The following MPRIP variants were observed in gnomAD, a reference collection of about 807,000 sequenced individuals.
MPRIP encodes the protein myosin phosphatase Rho-interacting protein.
In MPRIP, 59 loss-of-function variants were observed where a neutral mutation model predicts 234.9. The observed-to-expected ratio is 0.25, with a 90% CI of 0.20 to 0.31. The LOEUF (loss-of-function observed/expected upper bound fraction) is 0.31. Ranked by LOEUF, MPRIP falls within the 10% of genes least tolerant of loss-of-function variation. The pLI is 1.00. For synonymous variants in MPRIP, 1,144 were observed against 1,263.9 expected (o/e 0.91, Z 2.01); for missense variants, 2,436 against 3,071.0 (o/e 0.79, Z 4.89).
chr17:17,127,017 C>T (rs74521076), intron 4 of MPRIP, among the ~76,000 whole-genome samples, 164 bp downstream of exon 4: 13,255 of 152,284 alleles, frequency 0.087, 729 homozygotes, highest in Middle Eastern at 0.16. Flanking sequence ...CTGAGCACAG[C>T]AGAAATCAGG....
chr17:17,079,483 C>T (rs1351601251), intron 3 of MPRIP, among the ~76,000 whole-genome samples: 7 of 152,232 alleles, frequency 4.6e-5, no homozygotes, highest in Non-Finnish European at 8.8e-5. Context: ...CTTCACACTT[C>T]GTGTTCTCCT....
In MPRIP at chr17:17,075,812, A is replaced by G. The variant is rs752511440; in HGVS notation, c.201+25A>G. The stretch of plus-strand genomic sequence containing the variant: ...GGTAAGGGCATCAGAGCCAACTCTC[A>G]GGGAGGAACCAGAGAAGGGACCCAT... On this transcript the variant is annotated intron_variant, in intron 2 of 23. Transcript: ENST00000651222. 14 of 1,610,598 alleles carry G rather than the reference A, an allele frequency of 8.7e-6. No homozygotes were observed. The East Asian group carries it at 3.1e-4, about 36-fold the overall frequency.
At position 17,097,907 on chromosome 17, in the gene MPRIP, T is replaced by A. The variant is rs912147662; in HGVS notation, c.267+19831T>A. On this transcript the variant is annotated intron_variant, in intron 3 of 23. Coordinates refer to ENST00000651222, the MANE Select transcript of MPRIP (RefSeq NM_001364716.4). ...CAGATGTTTAAGACTAAGTTTGTGGTCTTTGAGAACCGAGGTAGCCTGACC... is the reference window on the plus strand; with the variant it reads ...CAGATGTTTAAGACTAAGTTTGTGGACTTTGAGAACCGAGGTAGCCTGACC... Among the ~76,000 whole-genome samples, 5 of 152,218 alleles carry A rather than the reference T, an allele frequency of 3.3e-5. No homozygotes were observed. In the South Asian group the frequency reaches 8.3e-4, roughly 25 times the overall value.
In MPRIP at chr17:17,168,102, A is replaced by G. The variant is rs146124902; in HGVS notation, c.6324+187A>G. ...CTTAGCCTCTTGTTCGGCATCCCCCAGTGTCCTCCACCAGGAGGAGAACTA... is the reference window on the plus strand; with the variant it reads ...CTTAGCCTCTTGTTCGGCATCCCCCGGTGTCCTCCACCAGGAGGAGAACTA... On this transcript the variant is annotated intron_variant, in intron 16 of 23. Coordinates refer to ENST00000651222, the MANE Select transcript of MPRIP (RefSeq NM_001364716.4). 1.5e-5 allele frequency: 6 copies of G among 403,852 alleles called. No individual in the cohort carries two copies. In the East Asian group the frequency reaches 3.0e-4, roughly 20 times the overall value. The allele number at this position is 403,852 out of a possible 1,614,324, so 25.0% of individuals were successfully genotyped here.
Position 17,171,829 on chromosome 17 carries a change from C to A in MPRIP, c.6436C>A (p.Arg2146Ser). 6.2e-7 allele frequency: 1 copy of A among 1,613,448 alleles called. No individual in the cohort carries two copies. Among genetic ancestry groups the A allele is most frequent in the Non-Finnish European group, 8.5e-7 (1 of 1,180,004 alleles). The change falls in exon 17 of 24, where the codon CGC becomes AGC. Residue 2146 changes from arginine (R) to serine (S), a missense_variant. Arg to Ser is a moderately radical substitution (Grantham distance 110). Coordinates refer to ENST00000651222, the MANE Select transcript of MPRIP (RefSeq NM_001364716.4). ...ELEKLREEKD[R>S]LLAEETAATI... The stretch of plus-strand genomic sequence containing the variant: ...AGAGAAACTTCGAGAAGAGAAAGAC[C>A]GCCTCCTAGCCGAGGAGACAGCGGC...
intron 1 of MPRIP, among the ~76,000 whole-genome samples, chr17:17,058,650 G>T (rs1288991699): frequency 6.6e-6 from 1 of 152,220 alleles, no homozygotes; most frequent in African/African-American, 2.4e-5. Flanking sequence ...CACCAAGGCA[G>T]AGGTCCGCAT....
At chr17:17,105,317 C>T (rs183788787) in intron 3 of MPRIP, among the ~76,000 whole-genome samples, 1 of 152,336 alleles carries the variant, frequency 6.6e-6, no homozygotes, top group African/African-American at 2.4e-5. Context: ...TGTTGCTGCT[C>T]TCTGGCCAAC....
rs1429447084 is a variant in MPRIP, at chr17:17,190,765, G to A, written c.*5871G>A. ...AAGTTTCTGTCTGAACACGTCTTGG[G>A]TCCGAGTCCTTAGGTGTTCGGATGC... On this transcript the variant is annotated 3_prime_UTR_variant, in exon 24 of 24. Coordinates refer to ENST00000651222, the MANE Select transcript of MPRIP (RefSeq NM_001364716.4). 1 of 152,108 alleles carries A rather than the reference G, an allele frequency of 6.6e-6. No individual in the cohort carries two copies. The highest frequency in any genetic ancestry group is 1.5e-5 in the Non-Finnish European group (1 of 68,046). 9.4% of individuals were successfully genotyped at this position (152,108 alleles called of 1,614,324 possible).
In MPRIP at chr17:17,167,995, G is replaced by A. The variant is rs770669689; in HGVS notation, c.6324+80G>A. 339 of 1,120,046 alleles carry A rather than the reference G, an allele frequency of 3.0e-4. No individual in the cohort carries two copies. Among genetic ancestry groups the A allele is most frequent in the Non-Finnish European group, 3.8e-4 (323 of 852,660 alleles). The allele number at this position is 1,120,046 out of a possible 1,614,324, so 69.4% of individuals were successfully genotyped here. On this transcript the variant is annotated intron_variant, in intron 16 of 23. Transcript: ENST00000651222. The surrounding 1 kb of genome is among the most constrained non-coding windows in gnomAD (Gnocchi z 5.9). Reference sequence around the variant, plus strand: ...TGTGGGGACGTCTGGCTCAGCTACCGTGCAGGCAGAATTGAGGGGATATGC... The same window carrying A: ...TGTGGGGACGTCTGGCTCAGCTACCATGCAGGCAGAATTGAGGGGATATGC...
intron 3 of MPRIP, among the ~76,000 whole-genome samples, chr17:17,123,703 CAAAAAAA>C (rs371753802): frequency 8.4e-5 from 5 of 59,296 alleles, no homozygotes; most frequent in East Asian, 4.4e-4. Context: ...GACTTCGTCT[CAAAAAAA>C]AAAAAAAAAA....
At chr17:17,067,174 G>C (rs547894877) in intron 1 of MPRIP, among the ~76,000 whole-genome samples, 1 of 152,122 alleles carries the variant, frequency 6.6e-6, no homozygotes, top group Non-Finnish European at 1.5e-5. Context: ...CAATTTCAGC[G>C]ATAGAAGATT....
intron 23 of MPRIP, among the ~76,000 whole-genome samples, chr17:17,181,036 A>G (rs539135723): frequency 6.6e-6 from 1 of 152,352 alleles, no homozygotes; most frequent in South Asian, 2.1e-4. Flanking sequence ...TACCGTCACC[A>G]AAGGCCTCGC....
chr17:17,070,758 G>A (rs1375880793), intron 1 of MPRIP, among the ~76,000 whole-genome samples: 3 of 152,194 alleles, frequency 2.0e-5, no homozygotes, highest in Non-Finnish European at 4.4e-5. Context: ...TTTCTTGGTT[G>A]TCTTTGTTCA....
At chr17:17,086,980 TAA>T (rs1423626533) in intron 3 of MPRIP, among the ~76,000 whole-genome samples, 3 of 152,168 alleles carry the variant, frequency 2.0e-5, no homozygotes, top group Non-Finnish European at 4.4e-5. Context: ...CCCAGTCTTA[TAA>T]GTCTCTTGGA....
chr17:17,093,968 G>A (rs908783371), intron 3 of MPRIP, among the ~76,000 whole-genome samples: 1 of 152,098 alleles, frequency 6.6e-6, no homozygotes, highest in African/African-American at 2.4e-5. Context: ...CCGTCCTCAC[G>A]TTCCAGACTG....
Position 17,177,377 on chromosome 17 carries a change from A to C in MPRIP, c.7085A>C (p.Glu2362Ala). ...AAGGCTGCAACGGAAGCACTGGGGG[A>C]GAAGTCCCCTGACAGTGCCACGGTG... ...QLKAATEALG[E>A]KSPDSATVSG... The change falls in exon 22 of 24, where the codon GAG becomes GCG. Residue 2362 changes from glutamate to alanine, a missense_variant. Glu to Ala is a moderately radical substitution (Grantham distance 107). Transcript: ENST00000651222. 6.2e-7 allele frequency: 1 copy of C among 1,613,810 alleles called. No homozygotes were observed. The highest frequency in any genetic ancestry group is 8.5e-7 in the Non-Finnish European group (1 of 1,180,022).
intron 3 of MPRIP, among the ~76,000 whole-genome samples, chr17:17,088,333 C>T (rs1175438573): frequency 2.0e-5 from 3 of 152,158 alleles, no homozygotes; most frequent in African/African-American, 2.4e-5. Flanking sequence ...TACCCTGCAG[C>T]GTGAAGGCTC....
intron 4 of MPRIP, among the ~76,000 whole-genome samples, chr17:17,128,151 C>G (rs1013594728): frequency 1.3e-5 from 2 of 152,182 alleles, no homozygotes; most frequent in Non-Finnish European, 2.9e-5. Context: ...CTTTCTGGCT[C>G]ACACCTGTTT....
chr17:17,091,437 G>A (rs919367415), intron 3 of MPRIP, among the ~76,000 whole-genome samples: 3 of 152,168 alleles, frequency 2.0e-5, no homozygotes, highest in Non-Finnish European at 4.4e-5. Context: ...CTCCCTGCCC[G>A]GATTGGTGTG....
Sources: gnomAD v4.1 joint callset for allele counts (sites outside exome capture counted in the v4.1 genomes callset) on GRCh38, gnomAD v4.1.1 for gene constraint, Gnocchi (gnomAD v3.1) non-coding constraint, MANE v1.5 for transcripts, NCBI Gene and HGNC (gene_info 2026-07-23, HGNC 2026-07-21) for gene names.